Variants in STAR observed in about 807,000 individuals in gnomAD.
STAR encodes the protein steroidogenic acute regulatory protein, mitochondrial.
Under a neutral mutation model 32.3 loss-of-function variants are expected in STAR, and 32 were observed. That is an observed-to-expected ratio of 0.99 (90% CI 0.75 to 1.33). The LOEUF (loss-of-function observed/expected upper bound fraction) is 1.33. STAR is among the 40% of genes most tolerant of loss of function. The probability of loss-of-function intolerance (pLI) is 0.00; values close to 1 mark genes in which losing one functional copy is unlikely to be tolerated. For missense variants in STAR, 375 were observed against 379.0 expected, an observed-to-expected ratio of 0.99 and a Z score of 0.09; for synonymous variants, 134 against 140.5, an observed-to-expected ratio of 0.95 and a Z score of 0.33.
At chr8:38,149,868 T>A (rs573558991) in intron 1 of STAR, among the ~76,000 whole-genome samples, 62 of 152,284 alleles carry the variant, frequency 4.1e-4, no homozygotes, top group South Asian at 3.5e-3. Context: ...CCATGGCTCA[T>A]GCCTATAATC....
At chr8:38,148,450 G>A in intron 2 of STAR, 123 bp from the exon 3 acceptor site, 2 of 1,517,684 alleles carry the variant, frequency 1.3e-6, no homozygotes, top group Admixed American at 3.8e-5. Context: ...ATAGGGGCCA[G>A]CCTGCTGGTC....
At chr8:38,148,988 G>T (rs979852481) in intron 1 of STAR, 1 of 547,364 alleles carries the variant, frequency 1.8e-6, no homozygotes, top group East Asian at 3.2e-5. Flanking sequence ...GCCTGGCCCT[G>T]CCTGGAGATG....
chr8:38,145,214 C>T lies in STAR; in HGVS notation c.744+8G>A. On this transcript the variant is annotated splice_region_variant and intron_variant, in intron 6 of 6. Coordinates refer to ENST00000276449, the MANE Select transcript of STAR (RefSeq NM_000349.3). Reference sequence around the variant, plus strand: ...CTGCCTTCCAGGTCCCCCTCCCATGCCCTTCACCTTGAGGTCGATGCTGAG... The same window carrying T: ...CTGCCTTCCAGGTCCCCCTCCCATGTCCTTCACCTTGAGGTCGATGCTGAG... The T allele has an allele frequency of 1.9e-6, 3 of 1,614,090 alleles. No individual in the cohort carries two copies. Among genetic ancestry groups the T allele is most frequent in the African/African-American group, 1.3e-5 (1 of 75,022 alleles).
intron 3 of STAR, among the ~76,000 whole-genome samples, chr8:38,147,250 C>T (rs892108162): frequency 2.0e-5 from 3 of 151,616 alleles, no homozygotes; most frequent in African/African-American, 4.8e-5. Context: ...GGCCTCCAGG[C>T]GTAAGCCACT....
chr8:38,146,477 G>A, intron 3 of STAR, 30 bp from the exon 4 acceptor site: 7 of 1,611,636 alleles, frequency 4.3e-6, no homozygotes, highest in Non-Finnish European at 5.1e-6. Context: ...CCAGAAGGTG[G>A]TTAGACAAAA....
intron 3 of STAR, among the ~76,000 whole-genome samples, chr8:38,146,753 C>T (rs1307950192): frequency 3.5e-5 from 5 of 143,296 alleles, no homozygotes; most frequent in Admixed American, 7.3e-5. Context: ...CCAGCCTGGG[C>T]GACAGAGTTG....
At position 38,146,080 on chromosome 8, in the gene STAR, A is replaced by G; in HGVS notation, c.533T>C (p.Leu178Pro). 6.2e-7 allele frequency: 1 copy of G among 1,614,212 alleles called. No homozygotes were observed. Residue 178 changes from leucine (L) to proline (P), a missense_variant, in exon 5 of 7, where the codon CTG (leucine) becomes CCG (proline). By Grantham distance (98) the Leu-to-Pro change is moderately conservative. Coordinates refer to ENST00000276449, the MANE Select transcript of STAR (RefSeq NM_000349.3). ...GCTCACAAAGTCACGGGGCCCCACC[A>G]GGTTTCCTGCTGCCTCGGCAGCCAG... ...HELAAEAAGN[L>P]VGPRDFVSVR...
chr8:38,147,057 G>A (rs1207683610), intron 3 of STAR, among the ~76,000 whole-genome samples: 1 of 151,118 alleles, frequency 6.6e-6, no homozygotes, highest in Non-Finnish European at 1.5e-5. Context: ...GCACAATCAC[G>A]GGTCATTGCA....
chr8:38,148,324 G>C lies in STAR; in HGVS notation c.182C>G (p.Ser61Cys), dbSNP rs1429474884. 1 of 1,613,920 alleles carries C rather than the reference G, an allele frequency of 6.2e-7. No individual in the cohort carries two copies. Among genetic ancestry groups the C allele is most frequent in the Non-Finnish European group, 8.5e-7 (1 of 1,180,016 alleles). ...QVRRRSSLLG[S>C]RLEETLYSDQ... ...ACTGTAGAGAGTCTCTTCCAGCCGA[G>C]AACCTGGATACACAGCCGAGGAGAG... Residue 61 changes from serine (S) to cysteine (C), a missense_variant, in exon 3 of 7, where the codon TCT becomes TGT. Ser to Cys is a moderately radical substitution (Grantham distance 112). Transcript: ENST00000276449.
At chr8:38,146,243 C>A (rs780279746) in intron 4 of STAR, 46 bp downstream of exon 4, 2 of 1,613,848 alleles carry the variant, frequency 1.2e-6, no homozygotes, top group South Asian at 1.1e-5. Context: ...AGCATTCACA[C>A]TGGGCTCTCC....
intron 5 of STAR, chr8:38,145,546 TAG>T: frequency 1.6e-6 from 1 of 612,482 alleles, no homozygotes; most frequent in Non-Finnish European, 2.9e-6. Context: ...TTGTGCCCTT[TAG>T]TTGCTGGATT....
At chr8:38,146,778 A>ATT (rs1554502848) in intron 3 of STAR, among the ~76,000 whole-genome samples, 1 of 29,800 alleles carries the variant, frequency 3.4e-5, no homozygotes, top group Non-Finnish European at 1.8e-4. Context: ...AAAAAAAAAA[A>ATT]TTTTATATAT....
intron 6 of STAR, 137 bp from the exon 7 acceptor site, chr8:38,144,523 C>G: frequency 6.6e-7 from 1 of 1,510,510 alleles, no homozygotes. Flanking sequence ...GTTGCCCAGT[C>G]AAGGGCGGGA....
chr8:38,144,663 T>G, intron 6 of STAR: 3 of 1,252,382 alleles, frequency 2.4e-6, no homozygotes, highest in Non-Finnish European at 3.1e-6. Context: ...TTCAGATCTC[T>G]GGACCTAAGT....
chr8:38,150,821 T>C lies in STAR; in HGVS notation c.-3A>G. On this transcript the variant is annotated 5_prime_UTR_variant, in exon 1 of 7. Coordinates refer to ENST00000276449, the MANE Select transcript of STAR (RefSeq NM_000349.3). Reference sequence around the variant, plus strand: ...AGCTTGAATGTCGCTAGCAGCATTGTTTCCTGGCAAATGTGGCAGTGGTGG... The same window carrying C: ...AGCTTGAATGTCGCTAGCAGCATTGCTTCCTGGCAAATGTGGCAGTGGTGG... 1 of 1,605,282 alleles carries C rather than the reference T, an allele frequency of 6.2e-7. No individual in the cohort carries two copies. The highest frequency in any genetic ancestry group is 8.5e-7 in the Non-Finnish European group (1 of 1,179,958).
At chr8:38,150,425 A>C (rs1297834947) in intron 1 of STAR, among the ~76,000 whole-genome samples, 1 of 151,802 alleles carries the variant, frequency 6.6e-6, no homozygotes, top group Middle Eastern at 3.2e-3. Flanking sequence ...GCGGAAGAAA[A>C]AAAGAACGAA....
intron 5 of STAR, chr8:38,145,595 G>A (rs939647430): frequency 3.5e-6 from 2 of 567,160 alleles, no homozygotes; most frequent in Non-Finnish European, 6.3e-6. Context: ...GCTGGTGGCT[G>A]GGCTGGGGCC....
At chr8:38,145,831 C>A (rs1802558959) in intron 5 of STAR, 132 bp downstream of exon 5, 1 of 1,150,526 alleles carries the variant, frequency 8.7e-7, no homozygotes, top group Admixed American at 2.0e-5. Flanking sequence ...TAAGTATCTT[C>A]TTTTGTAGAA....
chr8:38,148,460 C>T (rs2070348), intron 2 of STAR, 133 bp from the exon 3 acceptor site: 5 of 1,486,434 alleles, frequency 3.4e-6, no homozygotes, highest in Non-Finnish European at 4.6e-6. Context: ...GCCTGCTGGT[C>T]GAGTTAATCA....
Sources: allele counts gnomAD v4.1 joint callset (sites outside exome capture counted in the v4.1 genomes callset), GRCh38; gene constraint gnomAD v4.1.1; transcripts MANE v1.5; gene names NCBI Gene and HGNC (gene_info 2026-07-23, HGNC 2026-07-21).